Variants in CMSS1 observed in about 807,000 individuals in gnomAD.
CMSS1 encodes the protein protein CMSS1.
CMSS1 carries 33 observed loss-of-function variants against 43.5 expected under a neutral mutation model. That is an observed-to-expected ratio of 0.76 (90% CI 0.57 to 1.01). CMSS1 has a LOEUF of 1.01. Ranked by LOEUF, CMSS1 falls within the 50% of genes least tolerant of loss-of-function variation. The pLI is 0.00. For synonymous variants in CMSS1, 115 were observed against 117.2 expected (o/e 0.98, Z 0.12); for missense variants, 313 against 326.4 (o/e 0.96, Z 0.32).
chr3:100,067,676 A>C (rs1051370903), intron 1 of CMSS1, among the ~76,000 whole-genome samples: 2 of 152,214 alleles, frequency 1.3e-5, no homozygotes, highest in Non-Finnish European at 2.9e-5. Context: ...TACTGGTTTG[A>C]TAATAAACTG....
chr3:99,821,402 C>T (rs1942436478), intron 1 of CMSS1, among the ~76,000 whole-genome samples: 1 of 152,206 alleles, frequency 6.6e-6, no homozygotes, highest in South Asian at 2.1e-4. Context: ...TCTAGTCACT[C>T]CATTGGTGGC....
At chr3:100,161,344 C>G (rs2067021662) in intron 3 of CMSS1, among the ~76,000 whole-genome samples, 1 of 152,052 alleles carries the variant, frequency 6.6e-6, no homozygotes, top group Admixed American at 6.5e-5. Flanking sequence ...AAATAAGTGA[C>G]TTTAACTTCG....
rs143138950 is a variant in CMSS1, at chr3:100,049,003, T to C, written c.65-97970T>C. Among the ~76,000 whole-genome samples, 107 of 152,324 alleles carry C rather than the reference T, an allele frequency of 7.0e-4. 1 individual carries two copies. The East Asian group carries it at 0.019, about 28-fold the overall frequency. ...TTCAAACCTAATGGATTACATCTTA[T>C]ATGAATAAAAGAGTATAGCAAACAA... On this transcript the variant is annotated intron_variant, in intron 1 of 9. Coordinates refer to ENST00000421999, the MANE Select transcript of CMSS1 (RefSeq NM_032359.4).
At chr3:100,110,326 A>T (rs540837635) in intron 1 of CMSS1, among the ~76,000 whole-genome samples, 5 of 152,118 alleles carry the variant, frequency 3.3e-5, no homozygotes, top group Non-Finnish European at 7.4e-5. Flanking sequence ...ATCATGGCTC[A>T]GAAGCAGCTG....
chr3:99,918,639 TATG>T (rs1310151628), intron 1 of CMSS1, among the ~76,000 whole-genome samples: 76 of 152,326 alleles, frequency 5.0e-4, no homozygotes, highest in African/African-American at 1.8e-3. Flanking sequence ...AGTATGGTTT[TATG>T]ACATCTGTTG....
chr3:100,079,310 A>G (rs1216089257), intron 1 of CMSS1, among the ~76,000 whole-genome samples: 1 of 152,248 alleles, frequency 6.6e-6, no homozygotes, highest in African/African-American at 2.4e-5. Context: ...GATTCAAGGT[A>G]GAGGAAATAG....
chr3:99,990,562 A>G (rs2107130021), intron 1 of CMSS1, among the ~76,000 whole-genome samples: 1 of 152,328 alleles, frequency 6.6e-6, no homozygotes, highest in East Asian at 1.9e-4. Flanking sequence ...TCATGGCCAC[A>G]ATTAGAATTA....
chr3:100,004,759 G>T (rs933475070), intron 1 of CMSS1, among the ~76,000 whole-genome samples: 18 of 152,174 alleles, frequency 1.2e-4, no homozygotes, highest in Non-Finnish European at 2.1e-4. Flanking sequence ...AAAAGTGGAA[G>T]CACGTAATGT....
At chr3:99,818,145 G>GGT (rs1942359963) in intron 1 of CMSS1, 102 bp downstream of exon 1, 1 of 1,088,636 alleles carries the variant, frequency 9.2e-7, no homozygotes, top group Non-Finnish European at 1.4e-6. Context: ...GCCCAGCAGG[G>GGT]GTGTGCACCG....
At chr3:100,027,019 C>T (rs1299212758) in intron 1 of CMSS1, among the ~76,000 whole-genome samples, 1 of 152,170 alleles carries the variant, frequency 6.6e-6, no homozygotes, top group Admixed American at 6.6e-5. Flanking sequence ...TTTGTCCTTG[C>T]TGTTCCCTAT....
intron 1 of CMSS1, among the ~76,000 whole-genome samples, chr3:99,871,538 G>A (rs551554587): frequency 6.6e-6 from 1 of 152,298 alleles, no homozygotes; most frequent in Non-Finnish European, 1.5e-5. Flanking sequence ...ACAGTGCACA[G>A]TTTGAAGGAA....
At position 99,993,688 on chromosome 3, in the gene CMSS1, G is replaced by A. The variant is rs117511807; in HGVS notation, c.65-153285G>A. On this transcript the variant is annotated intron_variant, in intron 1 of 9. Coordinates refer to ENST00000421999, the MANE Select transcript of CMSS1 (RefSeq NM_032359.4). The stretch of plus-strand genomic sequence containing the variant: ...TTTGTTGAGGATTTTTATCATAAAA[G>A]GATGCTGAATTTTATCAAATGCTTT... Among the ~76,000 whole-genome samples, 79 of 152,232 alleles carry A rather than the reference G, an allele frequency of 5.2e-4. 3 individuals are homozygous for A. In the East Asian group the frequency reaches 0.015, roughly 29 times the overall value.
chr3:99,982,877 G>A (rs1709169382), intron 1 of CMSS1, among the ~76,000 whole-genome samples: 1 of 152,162 alleles, frequency 6.6e-6, no homozygotes, highest in Admixed American at 6.5e-5. Context: ...TTCATATAAT[G>A]TAGGCTTGCA....
intron 1 of CMSS1, among the ~76,000 whole-genome samples, chr3:100,117,166 A>C (rs1218522362): frequency 2.6e-5 from 4 of 152,120 alleles, no homozygotes. Context: ...TGAACCTATA[A>C]TCTAGTGGAT....
intron 1 of CMSS1, among the ~76,000 whole-genome samples, chr3:99,964,700 G>A (rs919898123): frequency 6.6e-6 from 1 of 152,084 alleles, no homozygotes; most frequent in Non-Finnish European, 1.5e-5. Context: ...GGGAATATTT[G>A]TCTAGAACAG....
At chr3:100,123,423 G>T (rs2066637546) in intron 1 of CMSS1, among the ~76,000 whole-genome samples, 1 of 152,220 alleles carries the variant, frequency 6.6e-6, no homozygotes, top group Non-Finnish European at 1.5e-5. Flanking sequence ...GAGCCCTGGG[G>T]GTGGTGCTAG....
intron 1 of CMSS1, among the ~76,000 whole-genome samples, chr3:99,945,514 AATGG>A (rs1262160524): frequency 6.6e-6 from 1 of 152,124 alleles, no homozygotes; most frequent in Admixed American, 6.5e-5. Flanking sequence ...TAAGTAAATA[AATGG>A]ATGTCAGAAG....
At chr3:100,093,129 C>T (rs2066141853) in intron 1 of CMSS1, among the ~76,000 whole-genome samples, 1 of 152,012 alleles carries the variant, frequency 6.6e-6, no homozygotes, top group Admixed American at 6.6e-5. Context: ...TCATTTTAAA[C>T]ATACTCTATG....
intron 1 of CMSS1, among the ~76,000 whole-genome samples, chr3:99,885,470 C>G (rs1474528074): frequency 6.6e-6 from 1 of 152,170 alleles, no homozygotes; most frequent in Non-Finnish European, 1.5e-5. Flanking sequence ...TATTGTCGTG[C>G]CCTTTTTTGG....
Sources: gnomAD v4.1 joint callset for allele counts (sites outside exome capture counted in the v4.1 genomes callset) on GRCh38, gnomAD v4.1.1 for gene constraint, MANE v1.5 for transcripts, NCBI Gene and HGNC (gene_info 2026-07-23, HGNC 2026-07-21) for gene names.